Variants in RIT2 observed in about 807,000 individuals in gnomAD.
RIT2 encodes the protein GTP-binding protein Rit2.
Under a neutral mutation model 23.7 loss-of-function variants are expected in RIT2, and 24 were observed. The observed-to-expected ratio is 1.01, with a 90% CI of 0.73 to 1.43. RIT2 has a LOEUF of 1.43. Ranked by LOEUF, RIT2 falls within the 40% of genes most tolerant of loss-of-function variation. The pLI is 0.00. For missense variants in RIT2, 236 were observed against 266.9 expected (o/e 0.88, Z 0.81); for synonymous variants, 107 against 91.1 (o/e 1.17, Z -0.99).
At chr18:42,788,627 T>A (rs1598654094) in intron 4 of RIT2, among the ~76,000 whole-genome samples, 2 of 152,206 alleles carry the variant, frequency 1.3e-5, no homozygotes, top group Non-Finnish European at 2.9e-5. Context: ...AGAAAAGTTT[T>A]TAAGTATTGG....
intron 4 of RIT2, among the ~76,000 whole-genome samples, chr18:42,856,703 CT>C (rs1419190865): frequency 6.6e-6 from 1 of 152,000 alleles, no homozygotes; most frequent in Non-Finnish European, 1.5e-5. Context: ...AATTTTTCTT[CT>C]GAATATGAAG....
intron 1 of RIT2, among the ~76,000 whole-genome samples, chr18:43,050,063 G>A (rs775198121): frequency 6.7e-5 from 9 of 134,484 alleles, no homozygotes; most frequent in Admixed American, 1.7e-4. Context: ...ATCTTGCTCT[G>A]TCTCCCAGGA....
chr18:42,985,034 A>G (rs1910679341), intron 2 of RIT2, among the ~76,000 whole-genome samples: 1 of 152,092 alleles, frequency 6.6e-6, no homozygotes, highest in African/African-American at 2.4e-5. Flanking sequence ...AGAAAATTCA[A>G]AGAAGCTATA....
intron 1 of RIT2, among the ~76,000 whole-genome samples, chr18:43,072,681 T>C (rs993154565): frequency 3.9e-5 from 6 of 152,162 alleles, no homozygotes; most frequent in African/African-American, 1.4e-4. Context: ...CTTCCACAAA[T>C]CTTTACCTTC....
chr18:42,814,374 G>A (rs1190610295), intron 4 of RIT2, among the ~76,000 whole-genome samples: 1 of 152,156 alleles, frequency 6.6e-6, no homozygotes, highest in East Asian at 1.9e-4. Flanking sequence ...GGTGCTATTG[G>A]TGGGGGCACA....
At chr18:42,888,835 C>T (rs1908097373) in intron 4 of RIT2, among the ~76,000 whole-genome samples, 1 of 152,048 alleles carries the variant, frequency 6.6e-6, no homozygotes, top group Non-Finnish European at 1.5e-5. Context: ...TGTATGTTCT[C>T]ACTTGTAATT....
intron 2 of RIT2, among the ~76,000 whole-genome samples, chr18:43,007,160 A>G (rs1177785373): frequency 2.0e-5 from 3 of 151,726 alleles, no homozygotes; most frequent in Admixed American, 6.6e-5. Context: ...ATAAAATGAT[A>G]TAGAAGGAAC....
chr18:42,809,796 T>C (rs1318060921), intron 4 of RIT2, among the ~76,000 whole-genome samples: 1 of 146,776 alleles, frequency 6.8e-6, no homozygotes, highest in Non-Finnish European at 1.5e-5. Context: ...CCAAGTAAAC[T>C]GATTTGATCT....
intron 4 of RIT2, among the ~76,000 whole-genome samples, chr18:42,798,265 T>C (rs1160830982): frequency 1.3e-5 from 2 of 152,200 alleles, no homozygotes; most frequent in Non-Finnish European, 2.9e-5. Flanking sequence ...CAAGAAGTTT[T>C]CATTCAGATC....
At chr18:42,775,675 C>T (rs916615784) in intron 4 of RIT2, among the ~76,000 whole-genome samples, 1 of 147,648 alleles carries the variant, frequency 6.8e-6, no homozygotes, top group African/African-American at 2.5e-5. Context: ...CCAGCCTGGG[C>T]GACAGAGCGA....
chr18:42,808,762 C>T (rs949951292), intron 4 of RIT2, among the ~76,000 whole-genome samples: 6 of 152,024 alleles, frequency 3.9e-5, no homozygotes, highest in Admixed American at 6.6e-5. Context: ...AAATCATCAA[C>T]TGTGTGGAAA....
chr18:42,874,937 T>C (rs1222733818), intron 4 of RIT2, among the ~76,000 whole-genome samples: 2 of 152,130 alleles, frequency 1.3e-5, no homozygotes, highest in African/African-American at 4.8e-5. Flanking sequence ...AATGTATTCC[T>C]CTGAAATTGA....
chr18:42,811,559 A>C (rs1402691782), intron 4 of RIT2, among the ~76,000 whole-genome samples: 1 of 152,120 alleles, frequency 6.6e-6, no homozygotes, highest in African/African-American at 2.4e-5. Context: ...CTTAATGATG[A>C]GATCTAAAGT....
At chr18:42,825,154 T>C (rs1476258898) in intron 4 of RIT2, among the ~76,000 whole-genome samples, 1 of 151,856 alleles carries the variant, frequency 6.6e-6, no homozygotes, top group Non-Finnish European at 1.5e-5. Context: ...AAGTAACTGA[T>C]GAAAATTATT....
intron 4 of RIT2, among the ~76,000 whole-genome samples, chr18:42,877,410 A>C (rs1907771099): frequency 6.6e-6 from 1 of 151,304 alleles, no homozygotes; most frequent in East Asian, 1.9e-4. Context: ...TTATCGTCCC[A>C]TCAATATTTT....
intron 1 of RIT2, among the ~76,000 whole-genome samples, chr18:43,070,455 C>T (rs1301086981): frequency 6.6e-6 from 1 of 152,066 alleles, no homozygotes; most frequent in Admixed American, 6.6e-5. Context: ...CGATTCAGCT[C>T]AATAAAACTA....
intron 2 of RIT2, among the ~76,000 whole-genome samples, chr18:42,975,195 A>T (rs1910451231): frequency 6.6e-6 from 1 of 151,948 alleles, no homozygotes; most frequent in Non-Finnish European, 1.5e-5. Context: ...TTTTATTTGT[A>T]TTTCTCTACT....
At chr18:42,959,870 T>C (rs1910056691) in intron 3 of RIT2, among the ~76,000 whole-genome samples, 1 of 152,194 alleles carries the variant, frequency 6.6e-6, no homozygotes, top group Non-Finnish European at 1.5e-5. Context: ...ACTAGGGAGA[T>C]GAACAGGCAT....
intron 4 of RIT2, among the ~76,000 whole-genome samples, chr18:42,745,000 C>T (rs1912885074): frequency 6.6e-6 from 1 of 152,238 alleles, no homozygotes; most frequent in East Asian, 1.9e-4. Context: ...ACTACAGCTC[C>T]TGGTGCCTAC....
Sources: gnomAD v4.1 joint callset for allele counts (sites outside exome capture counted in the v4.1 genomes callset) on GRCh38, gnomAD v4.1.1 for gene constraint, MANE v1.5 for transcripts, NCBI Gene and HGNC (gene_info 2026-07-23, HGNC 2026-07-21) for gene names.